POM121: variants seen among roughly 807,000 people sequenced by gnomAD.
POM121 encodes the protein nuclear envelope pore membrane protein POM 121.
POM121 carries 32 observed loss-of-function variants against 81.3 expected under a neutral mutation model. The observed-to-expected ratio is 0.39, with a 90% confidence interval of 0.30 to 0.53. POM121 has a LOEUF of 0.53. Ranked by LOEUF, POM121 falls within the 20% of genes least tolerant of loss-of-function variation. The pLI is 0.66. For synonymous variants in POM121, 514 were observed against 694.2 expected (o/e 0.74, Z 4.08); for missense variants, 1,138 against 1,614.6 (o/e 0.70, Z 5.06).
chr7:72,880,726 A>G (rs1440364449), intron 1 of POM121, among the ~76,000 whole-genome samples: 5 of 150,402 alleles, frequency 3.3e-5, no homozygotes, highest in African/African-American at 1.2e-4. Context: ...CTGACTACAA[A>G]AAATACAAAA....
chr7:72,927,832 A>T (rs1795615685), intron 3 of POM121, among the ~76,000 whole-genome samples: 2 of 152,342 alleles, frequency 1.3e-5, no homozygotes, highest in African/African-American at 4.8e-5. Flanking sequence ...CCCACTGTGT[A>T]TGGGACCCTA....
chr7:72,905,671 G>A (rs1234836023), intron 3 of POM121, among the ~76,000 whole-genome samples: 1 of 152,222 alleles, frequency 6.6e-6, no homozygotes, highest in Non-Finnish European at 1.5e-5. Flanking sequence ...CTGCACTCCA[G>A]CCTGGGCGAC....
intron 1 of POM121, among the ~76,000 whole-genome samples, chr7:72,881,934 A>G (rs1337439875): frequency 6.6e-6 from 1 of 152,192 alleles, no homozygotes; most frequent in Non-Finnish European, 1.5e-5. Flanking sequence ...CCCAGCCAGG[A>G]TTCATACTTT....
rs1554502183 is a variant in POM121 at position 72,943,174 on chromosome 7, A to G, written c.3181A>G (p.Thr1061Ala). 1.9e-6 allele frequency: 3 copies of G among 1,613,168 alleles called. No homozygotes were observed. The highest frequency in any genetic ancestry group is 2.5e-6 in the Non-Finnish European group (3 of 1,179,796). ...CTCACAGCCCGCCTTTGGCGGCTCCACTGCTGTCTTCTTCGGTGCAGCCAC... is the reference window on the plus strand; with the variant it reads ...CTCACAGCCCGCCTTTGGCGGCTCCGCTGCTGTCTTCTTCGGTGCAGCCAC... ...ASSQPAFGGS[T>A]AVFFGAATSS... The change falls in exon 11 of 13, where the codon ACT becomes GCT. Residue 1061 changes from threonine (T) to alanine (A), a missense_variant. Thr to Ala is a moderately conservative substitution (Grantham distance 58). Around this residue, in one of 7 missense-constraint regions of POM121, gnomAD observed 336 missense variants for 344.3 expected, o/e 0.98. Coordinates refer to ENST00000434423, the MANE Select transcript of POM121 (RefSeq NM_001387691.1).
intron 11 of POM121, among the ~76,000 whole-genome samples, chr7:72,944,363 C>T (rs1797443347): frequency 6.6e-6 from 1 of 151,898 alleles, no homozygotes; most frequent in Non-Finnish European, 1.5e-5. Flanking sequence ...CTGTTTGCTT[C>T]GTGAAGTAGA....
At chr7:72,949,107 G>A, downstream of POM121, 1 of 1,592,500 alleles carries the variant, frequency 6.3e-7, no homozygotes. Context: ...GCATACCTAA[G>A]GAAAAGCGTG....
In POM121 at chr7:72,943,153, C is replaced by T; in HGVS notation, c.3160C>T (p.Gln1054Ter). The change falls in exon 11 of 13, where the codon CAG becomes TAG. Residue 1054 changes from glutamine to a stop codon, truncating the protein, a stop_gained. Transcript: ENST00000434423. LOFTEE classifies it high-confidence loss of function. ...GGCCTTCGGCGCTCCCGCCAGCTCA[C>T]AGCCCGCCTTTGGCGGCTCCACTGC... ...ASAFGAPASS[Q>*]PAFGGSTAVF... 1.2e-6 allele frequency: 2 copies of T among 1,613,466 alleles called. No individual in the cohort carries two copies. The highest frequency in any genetic ancestry group is 1.7e-6 in the Non-Finnish European group (2 of 1,179,760).
Position 72,940,028 on chromosome 7 carries a change from C to T in POM121, c.1563+60C>T, listed in dbSNP as rs1404308415. On this transcript the variant is annotated intron_variant, in intron 8 of 12. Coordinates refer to ENST00000434423, the MANE Select transcript of POM121 (RefSeq NM_001387691.1). ...GCTTAGCTCTCCTAAGTATTAGGAA[C>T]GCTAAGGACAAGTTTCTTCTGATTT... 1.5e-5 allele frequency: 23 copies of T among 1,562,612 alleles called. 1 individual carries two copies. The highest frequency in any genetic ancestry group is 6.8e-5 in the East Asian group (3 of 44,284).
Position 72,946,293 on chromosome 7 carries a change from G to A in POM121, c.*59G>A, listed in dbSNP as rs187048478. 9.4e-4 allele frequency: 1,506 copies of A among 1,598,632 alleles called. 12 individuals carry two copies. The highest frequency in any genetic ancestry group is 8.9e-4 in the Non-Finnish European group (1,044 of 1,173,314). On this transcript the variant is annotated 3_prime_UTR_variant, in exon 13 of 13. Transcript: ENST00000434423. ...TCCCTAAATCTGGACCTTGGCACCT[G>A]CTAGGAAGAGCCTTGGACCCTTCCA...
intron 3 of POM121, among the ~76,000 whole-genome samples, chr7:72,894,642 AG>A (rs1223983912): frequency 0.6 from 63,407 of 105,626 alleles, 21,032 homozygotes; most frequent in East Asian, 0.8. Flanking sequence ...AGAGAGAGAG[AG>A]AGAGAGAGAG....
chr7:72,929,421 A>G (rs1586157207), intron 4 of POM121, among the ~76,000 whole-genome samples: 1 of 152,248 alleles, frequency 6.6e-6, no homozygotes, highest in African/African-American at 2.4e-5. Flanking sequence ...TGTCCTACAG[A>G]AAAGATGCGT....
At chr7:72,893,637 G>A (rs559942875) in intron 3 of POM121, among the ~76,000 whole-genome samples, 31 of 152,268 alleles carry the variant, frequency 2.0e-4, no homozygotes, top group South Asian at 2.1e-4. Flanking sequence ...TTAAGTGTAC[G>A]GTAATGTTAA....
At chr7:72,930,281 C>T (rs1450813287) in intron 5 of POM121, among the ~76,000 whole-genome samples, 170 bp downstream of exon 5, 2 of 152,204 alleles carry the variant, frequency 1.3e-5, no homozygotes, top group South Asian at 2.1e-4. Context: ...ATAGTGAAAC[C>T]TTGTCTGTAC....
At chr7:72,934,128 G>A (rs2530502) in intron 5 of POM121, among the ~76,000 whole-genome samples, 97 of 150,792 alleles carry the variant, frequency 6.4e-4, no homozygotes, top group Middle Eastern at 3.5e-3. Context: ...ACTGTCGCCC[G>A]GGCTGGAGTG....
At chr7:72,893,265 A>C (rs1554491172) in intron 3 of POM121, among the ~76,000 whole-genome samples, 1 of 151,626 alleles carries the variant, frequency 6.6e-6, no homozygotes, top group African/African-American at 2.4e-5. Flanking sequence ...AGCCCCCTTC[A>C]TTTAATTTTA....
downstream of POM121, chr7:72,948,487 A>G (rs571646942): frequency 3.7e-6 from 6 of 1,613,498 alleles, no homozygotes; most frequent in South Asian, 4.4e-5. Context: ...AGCCTCTGCT[A>G]TGTGCAAGGC....
At chr7:72,908,888 T>G (rs1462937614) in intron 3 of POM121, among the ~76,000 whole-genome samples, 4 of 152,206 alleles carry the variant, frequency 2.6e-5, no homozygotes, top group African/African-American at 9.6e-5. Flanking sequence ...GATTTCATAT[T>G]GTTTAAACAA....
chr7:72,929,688 C>G (rs1554498184), intron 4 of POM121, among the ~76,000 whole-genome samples: 1 of 152,176 alleles, frequency 6.6e-6, no homozygotes, highest in African/African-American at 2.4e-5. Context: ...ATCCACTGAT[C>G]TGTCTTCTGT....
At chr7:72,882,335 T>C (rs1409290350) in intron 1 of POM121, among the ~76,000 whole-genome samples, 18 of 152,126 alleles carry the variant, frequency 1.2e-4, no homozygotes, top group African/African-American at 1.9e-4. Flanking sequence ...GGGATTACAA[T>C]TGGACATGAG....
Sources: gnomAD v4.1 joint callset for allele counts (sites outside exome capture counted in the v4.1 genomes callset) on GRCh38, gnomAD v4.1.1 for gene constraint, gnomAD v4.1.1 regional missense constraint, MANE v1.5 for transcripts, NCBI Gene and HGNC (gene_info 2026-07-23, HGNC 2026-07-21) for gene names.